Variants in NAT10 observed in about 807,000 individuals in gnomAD.
The protein encoded by NAT10 is N-acetyltransferase 10.
NAT10 carries 109 observed loss-of-function variants against 132.2 expected under a neutral mutation model. That is an observed-to-expected ratio of 0.82 (90% CI 0.71 to 0.97). The LOEUF is 0.97. Among genes scored for constraint, NAT10 ranks in the 50% least tolerant of loss-of-function variants. NAT10 has a pLI of 0.00. For missense variants in NAT10, 1,184 were observed against 1,263.4 expected (o/e 0.94, Z 0.95); for synonymous variants, 479 against 478.0 (o/e 1.00, Z -0.03).
chr11:34,141,322 C>G, intron 25 of NAT10, 114 bp downstream of exon 25: 1 of 365,464 alleles, frequency 2.7e-6, no homozygotes, highest in Non-Finnish European at 3.9e-6. Context: ...TGCATCTCGT[C>G]ACACACACAC....
chr11:34,130,736 AG>A, intron 12 of NAT10, 76 bp from the exon 13 acceptor site: 1 of 1,547,692 alleles, frequency 6.5e-7, no homozygotes, highest in Non-Finnish European at 8.8e-7. Context: ...CAGCAGGTGG[AG>A]GAAAGCAGCT....
intron 12 of NAT10, among the ~76,000 whole-genome samples, chr11:34,129,135 T>G (rs1334667261): frequency 6.6e-6 from 1 of 152,224 alleles, no homozygotes; most frequent in Non-Finnish European, 1.5e-5. Context: ...GTGGACATGT[T>G]TTTCAGTTCT....
At chr11:34,111,794 A>AAGCAAAGTATT (rs1484368857) in intron 3 of NAT10, among the ~76,000 whole-genome samples, 1 of 152,196 alleles carries the variant, frequency 6.6e-6, no homozygotes, top group African/African-American at 2.4e-5. Flanking sequence ...CCATCTTTTA[A>AAGCAAAGTATT]AGCAAAGTAT....
At chr11:34,115,022 G>A (rs1851760172) in intron 5 of NAT10, among the ~76,000 whole-genome samples, 1 of 152,258 alleles carries the variant, frequency 6.6e-6, no homozygotes, top group Non-Finnish European at 1.5e-5. Context: ...CAGGTGTGGT[G>A]GTGCACACCT....
In NAT10 at chr11:34,133,146, T is replaced by C. The variant is rs751573034; in HGVS notation, c.1734+4T>C. 1 of 1,605,024 alleles carries C rather than the reference T, an allele frequency of 6.2e-7. No individual in the cohort carries two copies. On this transcript the variant is annotated splice_donor_region_variant and intron_variant, in intron 16 of 28. Coordinates refer to ENST00000257829, the MANE Select transcript of NAT10 (RefSeq NM_024662.3). The stretch of plus-strand genomic sequence containing the variant: ...AGAAGTGCTTGCTGTTATCCAGGTA[T>C]AGGAGCAGAGGCGTCCTTGTGGCAG...
In NAT10 at chr11:34,141,750, A is replaced by G. The variant is rs1430426591; in HGVS notation, c.2744A>G (p.Glu915Gly). ...AATGAAGTTCAGGAAAAGGCCATTG[A>G]GGAGCAGATGGTGGCAGCGAAGGAT... is the stretch of plus-strand genomic sequence containing the variant. ...LFNEVQEKAI[E>G]EQMVAAKDVV... The change falls in exon 26 of 29, where the codon GAG becomes GGG. Residue 915 changes from glutamate to glycine, a missense_variant. Coordinates refer to ENST00000257829, the MANE Select transcript of NAT10 (RefSeq NM_024662.3). The G allele has an allele frequency of 1.2e-6, 2 of 1,613,898 alleles. No individual in the cohort carries two copies. Among genetic ancestry groups the G allele is most frequent in the Non-Finnish European group, 1.7e-6 (2 of 1,179,946 alleles).
chr11:34,112,169 C>T lies in NAT10; in HGVS notation c.318C>T (p.Tyr106=). 1 of 1,614,232 alleles carries T rather than the reference C, an allele frequency of 6.2e-7. No homozygotes were observed. The highest frequency in any genetic ancestry group is 8.5e-7 in the Non-Finnish European group (1 of 1,180,044). ...CAGCCACAAACATTCGCTACTGCTA[C>T]TACAACGAGACCCACAAGATCCTGG... ...FIAATNIRYC[Y]YNETHKILGN... Residue 106 remains tyrosine (Y), a synonymous_variant, in exon 4 of 29, where the codon TAC becomes TAT. Transcript: ENST00000257829.
intron 8 of NAT10, among the ~76,000 whole-genome samples, chr11:34,119,369 A>G (rs1851844395): frequency 6.6e-6 from 1 of 152,226 alleles, no homozygotes; most frequent in Admixed American, 6.5e-5. Flanking sequence ...CCTCCCGCTT[A>G]GGGCTGAGTC....
At chr11:34,128,067 C>T (rs1329370588) in intron 12 of NAT10, among the ~76,000 whole-genome samples, 1 of 151,918 alleles carries the variant, frequency 6.6e-6, no homozygotes, top group Non-Finnish European at 1.5e-5. Flanking sequence ...AAAGAAAAAT[C>T]ACCTGTAGCC....
intron 8 of NAT10, among the ~76,000 whole-genome samples, chr11:34,121,166 A>G (rs1851885561): frequency 6.6e-6 from 1 of 152,168 alleles, no homozygotes; most frequent in Non-Finnish European, 1.5e-5. Context: ...CTTTCAGCAC[A>G]GCTGCCAGAG....
At chr11:34,130,024 G>T (rs1057007954) in intron 12 of NAT10, among the ~76,000 whole-genome samples, 3 of 151,932 alleles carry the variant, frequency 2.0e-5, no homozygotes, top group Admixed American at 1.3e-4. Context: ...TTGTTATGTG[G>T]TGTGGAGAGT....
In NAT10 at chr11:34,133,054, C is replaced by G; in HGVS notation, c.1646C>G (p.Ser549Cys). Residue 549 changes from serine to cysteine, a missense_variant, in exon 16 of 29, where the codon TCC becomes TGC. Coordinates refer to ENST00000257829, the MANE Select transcript of NAT10 (RefSeq NM_024662.3). ...KNSPNDLQML[S>C]DAPAHHLFCL... ...TCTCCCAATGATCTCCAGATGCTCT[C>G]CGATGCACCTGCTCACCATCTCTTC... 1.9e-6 allele frequency: 3 copies of G among 1,614,134 alleles called. No homozygotes were observed. Among genetic ancestry groups the G allele is most frequent in the Non-Finnish European group, 2.5e-6 (3 of 1,179,998 alleles).
chr11:34,114,890 C>T (rs1267822156), intron 5 of NAT10, among the ~76,000 whole-genome samples: 1 of 152,176 alleles, frequency 6.6e-6, no homozygotes, highest in Non-Finnish European at 1.5e-5. Flanking sequence ...CAGTGGCTCA[C>T]GCCTGTAATC....
At chr11:34,143,705 G>T (rs889231459) in intron 28 of NAT10, among the ~76,000 whole-genome samples, 177 bp downstream of exon 28, 8 of 152,246 alleles carry the variant, frequency 5.3e-5, no homozygotes, top group African/African-American at 1.9e-4. Flanking sequence ...CCACAGACCA[G>T]GAGGGCCATC....
In NAT10 at chr11:34,112,078, T is replaced by A; in HGVS notation, c.227T>A (p.Leu76Gln). 1 of 1,614,152 alleles carries A rather than the reference T, an allele frequency of 6.2e-7. No individual in the cohort carries two copies. The highest frequency in any genetic ancestry group is 1.1e-5 in the South Asian group (1 of 91,078). ...CACCGGAAGAAAAGAATGCGACAGC[T>A]GCAGAAGAAAATAAAGAATGGAACA... ...SSHRKKRMRQ[L>Q]QKKIKNGTLN... The change falls in exon 4 of 29, where the codon CTG becomes CAG. Residue 76 changes from leucine (L) to glutamine (Q), a missense_variant. Physicochemically the swap from Leu to Gln is moderately radical, Grantham distance 113 (BLOSUM62 -2). Transcript: ENST00000257829.
intron 24 of NAT10, among the ~76,000 whole-genome samples, 189 bp from the exon 25 acceptor site, chr11:34,140,900 G>T (rs1852315141): frequency 6.6e-6 from 1 of 151,730 alleles, no homozygotes; most frequent in Non-Finnish European, 1.5e-5. Context: ...AGTTACTTTG[G>T]GGATTTTAGG....
intron 8 of NAT10, among the ~76,000 whole-genome samples, chr11:34,119,661 C>T (rs1851852132): frequency 6.6e-6 from 1 of 152,212 alleles, no homozygotes; most frequent in South Asian, 2.1e-4. Flanking sequence ...GGCAGTTTCA[C>T]TCTGCAGAAA....
chr11:34,127,033 T>A (rs944575379), intron 11 of NAT10, among the ~76,000 whole-genome samples: 9 of 152,158 alleles, frequency 5.9e-5, no homozygotes, highest in Non-Finnish European at 1.0e-4. Context: ...CTCATCGGCT[T>A]TCCTTATCTG....
intron 12 of NAT10, 104 bp downstream of exon 12, chr11:34,127,703 C>CA: frequency 2.1e-6 from 3 of 1,406,224 alleles, no homozygotes; most frequent in Non-Finnish European, 2.9e-6. Flanking sequence ...GTCTGATTCT[C>CA]AGAGTCTCTG....
Sources: allele counts gnomAD v4.1 joint callset (sites outside exome capture counted in the v4.1 genomes callset), GRCh38; gene constraint gnomAD v4.1.1; transcripts MANE v1.5; gene names NCBI Gene and HGNC (gene_info 2026-07-23, HGNC 2026-07-21).